The following EFCAB6 variants were observed in gnomAD, a reference collection of about 807,000 sequenced individuals.
The protein encoded by EFCAB6 is EF-hand calcium-binding domain-containing protein 6.
A neutral mutation model predicts 169.8 loss-of-function variants in EFCAB6; 156 were observed. The observed-to-expected ratio is 0.92, with a 90% CI of 0.81 to 1.05. The LOEUF is 1.05. Ranked by LOEUF, EFCAB6 falls within the 50% of genes least tolerant of loss-of-function variation. The pLI, the probability that EFCAB6 is intolerant of heterozygous loss-of-function variation, is 0.00. For missense variants in EFCAB6, 1,800 were observed against 1,829.1 expected (o/e 0.98, Z 0.29); for synonymous variants, 698 against 676.4 (o/e 1.03, Z -0.50).
chr22:43,699,444 C>T (rs1019682912), intron 10 of EFCAB6, among the ~76,000 whole-genome samples: 1 of 152,198 alleles, frequency 6.6e-6, no homozygotes, highest in African/African-American at 2.4e-5. Flanking sequence ...GTTCGTATCC[C>T]TGAGATGCTT....
rs374424583 is a variant in EFCAB6, at chr22:43,671,990, C to T, written c.1623G>A (p.Thr541=). 1.3e-5 allele frequency: 21 copies of T among 1,612,418 alleles called. 1 individual carries two copies. The Admixed American group carries it at 1.5e-4, about 12-fold the overall frequency. ...AAACTTACTTTATGAAATGTGCATT[C>T]GTTAAAAATGGACAGAAGACGTGCA... The part of the protein sequence containing the change: ...KIMHVFCPFL[T]NAHFIKLCSK... The change falls in exon 15 of 32, where the codon ACG becomes ACA. Residue 541 remains threonine (T), a synonymous_variant. Transcript: ENST00000262726.
chr22:43,741,936 C>G (rs2060385837), intron 6 of EFCAB6, among the ~76,000 whole-genome samples: 1 of 152,112 alleles, frequency 6.6e-6, no homozygotes, highest in South Asian at 2.1e-4. Flanking sequence ...CTTCAAATCC[C>G]CAGCGCCTGG....
Position 43,537,623 on chromosome 22 carries a change from A to G in EFCAB6, c.3880-78T>C. The G allele has an allele frequency of 2.1e-6, 3 of 1,453,676 alleles. No homozygotes were observed. Among genetic ancestry groups the G allele is most frequent in the Non-Finnish European group, 2.8e-6 (3 of 1,088,160 alleles). The allele number at this position is 1,453,676 out of a possible 1,614,324, so 90.0% of individuals were successfully genotyped here. A position where few individuals can be genotyped will look rare whatever the true frequency, so the allele number is the denominator to read the frequency against. ...TCATCAAAAATACCTCAATACCTCCAGTTTTGAGGTTCACAATTTTAGAGG... is the reference window on the plus strand; with the variant it reads ...TCATCAAAAATACCTCAATACCTCCGGTTTTGAGGTTCACAATTTTAGAGG... On this transcript the variant is annotated intron_variant, in intron 28 of 31. Coordinates refer to ENST00000262726, the MANE Select transcript of EFCAB6 (RefSeq NM_022785.4). This position sits in a 1 kb window ranked among gnomAD's most constrained non-coding sequence, Gnocchi z 4.3.
intron 25 of EFCAB6, among the ~76,000 whole-genome samples, chr22:43,579,000 G>GCAGGCATCATTCCC (rs1569189638): frequency 2.2e-5 from 3 of 138,390 alleles, no homozygotes; most frequent in Admixed American, 7.1e-5. Flanking sequence ...GCATCATTCC[G>GCAGGCATCATTCCC]TACACGCAGG....
chr22:43,792,781 C>T lies in EFCAB6; in HGVS notation c.-7-10456G>A, dbSNP rs1348624746. 1.1e-4 allele frequency among the ~76,000 whole-genome samples: 16 copies of T among 152,268 alleles called. No individual in the cohort carries two copies. In the East Asian group the frequency reaches 3.1e-3, roughly 29 times the overall value. On this transcript the variant is annotated intron_variant, in intron 2 of 31. Coordinates refer to ENST00000262726, the MANE Select transcript of EFCAB6 (RefSeq NM_022785.4). ...CCAGAACCAGAAGACATGCTCTTCC[C>T]CGATATCAAGTTCACATGGTTGTCA...
chr22:43,570,834 G>C (rs2049815229), intron 26 of EFCAB6, among the ~76,000 whole-genome samples: 2 of 152,188 alleles, frequency 1.3e-5, no homozygotes, highest in Admixed American at 1.3e-4. Context: ...CTCCTGGGCT[G>C]GTTCTCAAGC....
At chr22:43,801,940 C>T (rs1169630751) in intron 2 of EFCAB6, among the ~76,000 whole-genome samples, 1 of 152,154 alleles carries the variant, frequency 6.6e-6, no homozygotes, top group East Asian at 1.9e-4. Flanking sequence ...GATTAAGAAA[C>T]AACACCCAAC....
intron 20 of EFCAB6, among the ~76,000 whole-genome samples, chr22:43,619,734 T>C (rs970664761): frequency 6.6e-6 from 1 of 152,016 alleles, no homozygotes; most frequent in African/African-American, 2.4e-5. Flanking sequence ...GTCTCAGAGA[T>C]ACAAAACCTG....
chr22:43,734,308 T>C (rs1024439325), intron 7 of EFCAB6, among the ~76,000 whole-genome samples: 1 of 152,232 alleles, frequency 6.6e-6, no homozygotes, highest in Non-Finnish European at 1.5e-5. Flanking sequence ...ATTAAAGCAA[T>C]TGAAGAAATG....
intron 2 of EFCAB6, among the ~76,000 whole-genome samples, chr22:43,804,266 T>C (rs1056815955): frequency 6.6e-6 from 1 of 152,120 alleles, no homozygotes; most frequent in African/African-American, 2.4e-5. Context: ...TTTAAATTTC[T>C]TGAAATAAAT....
At chr22:43,770,937 A>AG (rs1431511573) in intron 4 of EFCAB6, among the ~76,000 whole-genome samples, 2 of 151,328 alleles carry the variant, frequency 1.3e-5, no homozygotes, top group South Asian at 2.1e-4. Flanking sequence ...AGAAAAAAAA[A>AG]AGAGAGAGAG....
chr22:43,776,502 C>T (rs528088455), intron 3 of EFCAB6, among the ~76,000 whole-genome samples: 25 of 152,226 alleles, frequency 1.6e-4, no homozygotes, highest in Middle Eastern at 3.4e-3. Flanking sequence ...CAGAGTGCAG[C>T]TGGGGGCTGC....
In EFCAB6 at chr22:43,544,671, G is replaced by A. The variant is rs144118717; in HGVS notation, c.3649-4314C>T. Among the ~76,000 whole-genome samples the A allele has an allele frequency of 3.0e-3, 458 of 151,938 alleles. 3 individuals carry two copies. Among genetic ancestry groups the A allele is most frequent in the African/African-American group, 0.011 (435 of 41,420 alleles). Reference sequence around the variant, plus strand: ...CTTGGACGTGGGGACATCCTTTCTGGTTCTCCAGCCCTTCCAGAGCTTCTG... The same window carrying A: ...CTTGGACGTGGGGACATCCTTTCTGATTCTCCAGCCCTTCCAGAGCTTCTG... On this transcript the variant is annotated intron_variant, in intron 27 of 31. Coordinates refer to ENST00000262726, the MANE Select transcript of EFCAB6 (RefSeq NM_022785.4).
intron 17 of EFCAB6, among the ~76,000 whole-genome samples, chr22:43,636,137 C>G (rs1027427316): frequency 1.1e-4 from 17 of 152,230 alleles, no homozygotes; most frequent in Non-Finnish European, 5.9e-5. Flanking sequence ...TGACCAATCC[C>G]ACCCGGAACA....
At chr22:43,720,368 C>A (rs1294959525) in intron 8 of EFCAB6, among the ~76,000 whole-genome samples, 1 of 151,676 alleles carries the variant, frequency 6.6e-6, no homozygotes, top group East Asian at 1.9e-4. Flanking sequence ...AAAAAATAGC[C>A]GGGCACAGTA....
intron 26 of EFCAB6, among the ~76,000 whole-genome samples, chr22:43,569,070 C>G (rs956591583): frequency 1.3e-5 from 2 of 152,208 alleles, no homozygotes; most frequent in Non-Finnish European, 2.9e-5. Flanking sequence ...TCCGGCAGAG[C>G]TTGCCTGGCA....
At chr22:43,547,877 G>A (rs148669895) in intron 27 of EFCAB6, among the ~76,000 whole-genome samples, 141 of 152,084 alleles carry the variant, frequency 9.3e-4, no homozygotes, top group Middle Eastern at 3.4e-3. Flanking sequence ...AGATCACGAG[G>A]TCAGGAGACT....
intron 17 of EFCAB6, among the ~76,000 whole-genome samples, chr22:43,645,218 T>A (rs1321025056): frequency 4.6e-5 from 7 of 152,222 alleles, no homozygotes; most frequent in Non-Finnish European, 1.0e-4. Flanking sequence ...CACTTACACC[T>A]CCTGCCTTTG....
intron 17 of EFCAB6, among the ~76,000 whole-genome samples, chr22:43,646,966 T>G (rs1247506185): frequency 6.6e-6 from 1 of 152,210 alleles, no homozygotes; most frequent in African/African-American, 2.4e-5. Flanking sequence ...ACTTGTTCTA[T>G]AAGCAAGAAA....
Sources: gnomAD v4.1 joint callset for allele counts (sites outside exome capture counted in the v4.1 genomes callset) on GRCh38, gnomAD v4.1.1 for gene constraint, Gnocchi (gnomAD v3.1) non-coding constraint, MANE v1.5 for transcripts, NCBI Gene and HGNC (gene_info 2026-07-23, HGNC 2026-07-21) for gene names.